Variants in CWH43 observed in about 807,000 individuals in gnomAD.
CWH43 encodes the protein cell wall biogenesis 43 C-terminal homolog, also known as PGAP2-interacting protein.
CWH43 carries 91 observed loss-of-function variants against 85.7 expected under a neutral mutation model. That is an observed-to-expected ratio of 1.06 (90% CI 0.90 to 1.26). CWH43 has a LOEUF of 1.26. Ranked by LOEUF, CWH43 falls within the 50% of genes most tolerant of loss-of-function variation. CWH43 has a pLI of 0.00. For synonymous variants in CWH43, 323 were observed against 293.6 expected, an observed-to-expected ratio of 1.10 and a Z score of -1.02; for missense variants, 869 against 839.2, an observed-to-expected ratio of 1.04 and a Z score of -0.44.
At chr4:49,003,469 A>G (rs1783056556) in intron 6 of CWH43, 4 of 406,888 alleles carry the variant, frequency 9.8e-6, no homozygotes, top group South Asian at 1.3e-4. Flanking sequence ...TTACCTAAAA[A>G]TACCCTTTTC....
intron 7 of CWH43, among the ~76,000 whole-genome samples, chr4:49,006,060 C>T (rs1233095655): frequency 4.6e-5 from 7 of 152,248 alleles, no homozygotes; most frequent in African/African-American, 1.7e-4. Context: ...TCCGTGGTAA[C>T]CTTGGCTTTG....
chr4:49,020,880 T>C (rs1783731344), intron 9 of CWH43, among the ~76,000 whole-genome samples: 2 of 152,278 alleles, frequency 1.3e-5, no homozygotes, highest in Admixed American at 1.3e-4. Context: ...TCTATTCATG[T>C]CCTTAGCTCA....
chr4:49,026,163 C>T (rs1409521907), intron 9 of CWH43, among the ~76,000 whole-genome samples: 1 of 152,194 alleles, frequency 6.6e-6, no homozygotes, highest in Admixed American at 6.5e-5. Flanking sequence ...ACCCAGCTCT[C>T]ATGCAACCCA....
At chr4:48,998,307 T>C (rs764788735) in intron 5 of CWH43, among the ~76,000 whole-genome samples, 153 bp from the exon 6 acceptor site, 1 of 152,218 alleles carries the variant, frequency 6.6e-6, no homozygotes, top group Non-Finnish European at 1.5e-5. Flanking sequence ...GTGTATAATA[T>C]TGGCTTCCAG....
chr4:49,030,037 TCA>T, intron 10 of CWH43, among the ~76,000 whole-genome samples: 1 of 152,334 alleles, frequency 6.6e-6, no homozygotes, highest in East Asian at 1.9e-4. Flanking sequence ...ATTTTTTTTC[TCA>T]GTCTCTCATC....
At chr4:49,035,860 T>C (rs1359105111) in intron 12 of CWH43, among the ~76,000 whole-genome samples, 1 of 152,180 alleles carries the variant, frequency 6.6e-6, no homozygotes, top group Non-Finnish European at 1.5e-5. Flanking sequence ...ACACTGCCTG[T>C]GGTTAGTAGC....
chr4:49,026,694 AG>A (rs1783927682), intron 9 of CWH43, among the ~76,000 whole-genome samples: 1 of 152,156 alleles, frequency 6.6e-6, no homozygotes, highest in Admixed American at 6.5e-5. Flanking sequence ...GACCCATCCA[AG>A]TTGCTGCAAA....
At chr4:49,036,057 G>A (rs1468851186) in intron 12 of CWH43, among the ~76,000 whole-genome samples, 1 of 152,162 alleles carries the variant, frequency 6.6e-6, no homozygotes, top group Non-Finnish European at 1.5e-5. Context: ...AAGGCCGAAG[G>A]AACAGGCAGA....
chr4:48,994,688 A>C lies in CWH43; in HGVS notation c.581A>C (p.Asn194Thr). The change falls in exon 5 of 16, where the codon AAC (asparagine) becomes ACC (threonine). Residue 194 changes from asparagine (N) to threonine (T), a missense_variant. Physicochemically the swap from Asn to Thr is moderately conservative, Grantham distance 65. Around this residue, in one of 3 missense-constraint regions of CWH43, gnomAD observed 152 missense variants for 203.6 expected, o/e 0.75. Transcript: ENST00000226432. ...EVATGMASRP[N>T]WLLAGAAFGS... ...GCCACGGGGATGGCCTCTAGACCCA[A>C]CTGGCTGCTGGCAGGGGCTGCTTTT... 6.2e-7 allele frequency: 1 copy of C among 1,614,204 alleles called. No homozygotes were observed. The highest frequency in any genetic ancestry group is 1.3e-5 in the African/African-American group (1 of 75,056).
chr4:48,997,793 T>A, intron 5 of CWH43, among the ~76,000 whole-genome samples: 1 of 152,206 alleles, frequency 6.6e-6, no homozygotes, highest in East Asian at 1.9e-4. Context: ...AAATGAATAA[T>A]AATTACAGGG....
intron 13 of CWH43, among the ~76,000 whole-genome samples, chr4:49,041,234 T>C (rs1159374521): frequency 1.3e-5 from 2 of 152,204 alleles, no homozygotes; most frequent in African/African-American, 2.4e-5. Flanking sequence ...CGGGCTCTTT[T>C]TTGGTTCCAT....
At chr4:48,987,421 A>G (rs2109734581) in intron 1 of CWH43, among the ~76,000 whole-genome samples, 2 of 152,252 alleles carry the variant, frequency 1.3e-5, no homozygotes, top group East Asian at 3.9e-4. Flanking sequence ...GAAAGTTCCC[A>G]CGCCCAGTGG....
At chr4:49,043,401 G>A (rs900599750) in intron 13 of CWH43, among the ~76,000 whole-genome samples, 6 of 152,198 alleles carry the variant, frequency 3.9e-5, no homozygotes, top group African/African-American at 7.2e-5. Flanking sequence ...GCATGTGCAC[G>A]TGAGTGTGTG....
chr4:48,992,189 G>A lies in CWH43; in HGVS notation c.511+99G>A. 3 of 1,029,734 alleles carry A rather than the reference G, an allele frequency of 2.9e-6. No individual in the cohort carries two copies. The highest frequency in any genetic ancestry group is 4.3e-6 in the Non-Finnish European group (3 of 699,702). 63.8% of individuals were successfully genotyped at this position (1,029,734 alleles called of 1,614,324 possible). ...GAAAATCTATAAAAGTAGTCTTTCTGCATTATATCTATATTTCAGCTTTTT... is the reference window on the plus strand; with the variant it reads ...GAAAATCTATAAAAGTAGTCTTTCTACATTATATCTATATTTCAGCTTTTT... On this transcript the variant is annotated intron_variant, in intron 4 of 15. Coordinates refer to ENST00000226432, the MANE Select transcript of CWH43 (RefSeq NM_025087.3). The surrounding 1 kb of genome is among the most constrained non-coding windows in gnomAD (Gnocchi z 4.3).
chr4:49,019,160 T>C (rs1362116075), intron 9 of CWH43, among the ~76,000 whole-genome samples: 2 of 152,206 alleles, frequency 1.3e-5, no homozygotes, highest in African/African-American at 4.8e-5. Context: ...AGAGTTTGCA[T>C]TCTAGTAGGG....
chr4:49,054,498 G>T (rs1480710518), intron 15 of CWH43, among the ~76,000 whole-genome samples: 1 of 152,032 alleles, frequency 6.6e-6, no homozygotes, highest in Non-Finnish European at 1.5e-5. Context: ...GAGGTGTTTT[G>T]TGGTCTTATA....
chr4:49,007,397 T>A (rs1053218822), intron 8 of CWH43, 71 bp downstream of exon 8: 7 of 1,402,206 alleles, frequency 5.0e-6, no homozygotes. Flanking sequence ...TTAAAGAGTA[T>A]AATGATCCCT....
At chr4:49,019,183 A>T (rs1241893910) in intron 9 of CWH43, among the ~76,000 whole-genome samples, 2 of 152,218 alleles carry the variant, frequency 1.3e-5, no homozygotes, top group Non-Finnish European at 2.9e-5. Context: ...GAATTATAGT[A>T]TTTAGAGAAC....
rs201462278 is a variant in CWH43 at position 49,007,196 on chromosome 4, A to G, written c.1061-5A>G. The G allele has an allele frequency of 1.2e-6, 2 of 1,604,168 alleles. No homozygotes were observed. Among genetic ancestry groups the G allele is most frequent in the South Asian group, 1.1e-5 (1 of 87,908 alleles). On this transcript the variant is annotated splice_region_variant and splice_polypyrimidine_tract_variant and intron_variant, in intron 7 of 15. Coordinates refer to ENST00000226432, the MANE Select transcript of CWH43 (RefSeq NM_025087.3). The stretch of plus-strand genomic sequence containing the variant: ...ATAACATATTCTTTCTTTCTCTTAT[A>G]ACAGGGACAATGATGTTAATTATCG...
Sources: allele counts gnomAD v4.1 joint callset (sites outside exome capture counted in the v4.1 genomes callset), GRCh38; gene constraint gnomAD v4.1.1; regional missense constraint gnomAD v4.1.1; non-coding constraint Gnocchi (gnomAD v3.1); transcripts MANE v1.5; gene names NCBI Gene and HGNC (gene_info 2026-07-23, HGNC 2026-07-21).